Variants in GRIN2D observed in about 807,000 individuals in gnomAD.
GRIN2D encodes the protein glutamate ionotropic receptor NMDA type subunit 2D, also known as glutamate receptor ionotropic, NMDA 2D.
Under a neutral mutation model 103.2 loss-of-function variants are expected in GRIN2D, and 37 were observed. The observed-to-expected ratio is 0.36, with a 90% CI of 0.28 to 0.47. GRIN2D has a LOEUF of 0.47. Ranked by LOEUF, GRIN2D falls within the 20% of genes least tolerant of loss-of-function variation. The pLI is 1.00. For missense variants in GRIN2D, 1,557 were observed against 1,910.6 expected, an observed-to-expected ratio of 0.81 and a Z score of 3.45; for synonymous variants, 845 against 885.6, an observed-to-expected ratio of 0.95 and a Z score of 0.81.
chr19:48,424,717 A>C (rs1240486630), intron 11 of GRIN2D, among the ~76,000 whole-genome samples: 1 of 152,178 alleles, frequency 6.6e-6, no homozygotes, highest in Admixed American at 6.6e-5. Context: ...CACTCACAGC[A>C]CATCTAGGTT....
At position 48,419,754 on chromosome 19, in the gene GRIN2D, G is replaced by C; in HGVS notation, c.2031G>C (p.Leu677=). The change falls in exon 10 of 14, where the codon CTG becomes CTC. Residue 677 remains leucine (L), a synonymous_variant. Transcript: ENST00000263269. ...VIFLASYTAN[L]AAFMIQEEYV... is the part of the protein sequence containing the mutation. Reference sequence around the variant, plus strand: ...TCCTCGCCAGCTACACAGCCAACCTGGCCGCCTTCATGATCCAGGAGGAGT... The same window carrying C: ...TCCTCGCCAGCTACACAGCCAACCTCGCCGCCTTCATGATCCAGGAGGAGT... 1.2e-6 allele frequency: 2 copies of C among 1,613,778 alleles called. No homozygotes were observed. The highest frequency in any genetic ancestry group is 1.7e-6 in the Non-Finnish European group (2 of 1,179,952).
At chr19:48,411,888 C>A (rs1022237580) in intron 4 of GRIN2D, among the ~76,000 whole-genome samples, 9 of 151,618 alleles carry the variant, frequency 5.9e-5, no homozygotes, top group Non-Finnish European at 1.2e-4. Context: ...GAAGGCAAAG[C>A]CAGAACAAAA....
chr19:48,416,219 G>A (rs1600979932), intron 8 of GRIN2D, 64 bp downstream of exon 8: 1 of 1,470,492 alleles, frequency 6.8e-7, no homozygotes. Flanking sequence ...AACCGTGTGG[G>A]CCCTGGGATC....
Position 48,414,389 on chromosome 19 carries a change from A to G in GRIN2D, c.1217A>G (p.Gln406Arg). ...TTGGCCAAGGTGGGCAGCTGGGAGCAGCAGACGCTCCGCCTCAAGTACCCG... is the reference window on the plus strand; with the variant it reads ...TTGGCCAAGGTGGGCAGCTGGGAGCGGCAGACGCTCCGCCTCAAGTACCCG... ...RTWEVVGSWE[Q>R]QTLRLKYPLW... Residue 406 changes from glutamine (Q) to arginine (R), a missense_variant, in exon 6 of 14, where the codon CAG becomes CGG. Gln to Arg is a conservative substitution (Grantham distance 43). Around this residue, in one of 7 missense-constraint regions of GRIN2D, gnomAD observed 490 missense variants for 601.1 expected, o/e 0.82. Coordinates refer to ENST00000263269, the MANE Select transcript of GRIN2D (RefSeq NM_000836.4). This position sits in a 1 kb window ranked among gnomAD's most constrained non-coding sequence, Gnocchi z 4.6. 6.2e-7 allele frequency: 1 copy of G among 1,607,224 alleles called. No individual in the cohort carries two copies. The highest frequency in any genetic ancestry group is 8.5e-7 in the Non-Finnish European group (1 of 1,177,760).
In GRIN2D at chr19:48,444,144, A is replaced by C; in HGVS notation, c.*207A>C. 2 of 399,134 alleles carry C rather than the reference A, an allele frequency of 5.0e-6. No individual in the cohort carries two copies. The highest frequency in any genetic ancestry group is 8.9e-6 in the Non-Finnish European group (2 of 225,738). The allele number at this position is 399,134 out of a possible 1,614,324, so 24.7% of individuals were successfully genotyped here. A position where few individuals can be genotyped will look rare whatever the true frequency, so the allele number is the denominator to read the frequency against. ...CCCTCAACTATCACCCAGCCTGAGA[A>C]CGAGGGGGCGGGGGCCTTGGAGCCC... On this transcript the variant is annotated 3_prime_UTR_variant, in exon 14 of 14. Coordinates refer to ENST00000263269, the MANE Select transcript of GRIN2D (RefSeq NM_000836.4). The surrounding 1 kb of genome is among the most constrained non-coding windows in gnomAD (Gnocchi z 5.5).
At chr19:48,415,973 C>T in intron 7 of GRIN2D, 29 bp from the exon 8 acceptor site, 1 of 1,601,544 alleles carries the variant, frequency 6.2e-7, no homozygotes, top group Non-Finnish European at 8.5e-7. Flanking sequence ...CCGGGTTCCC[C>T]CGCCCACTCC....
Position 48,398,749 on chromosome 19 carries a change from C to T in GRIN2D, c.357C>T (p.Asp119=). ...GLRVHGVVFE[D]DSRAPAVAPI... ...GCGTGCACGGCGTGGTCTTCGAAGA[C>T]GACTCGCGCGCGCCCGCCGTCGCGC... is the stretch of plus-strand genomic sequence containing the variant. The change falls in exon 3 of 14, where the codon GAC becomes GAT. Residue 119 remains aspartate, a synonymous_variant. Coordinates refer to ENST00000263269, the MANE Select transcript of GRIN2D (RefSeq NM_000836.4). 6.8e-7 allele frequency: 1 copy of T among 1,465,268 alleles called. No individual in the cohort carries two copies. Among genetic ancestry groups the T allele is most frequent in the East Asian group, 3.0e-5 (1 of 33,412 alleles). 90.8% of individuals were successfully genotyped at this position (1,465,268 alleles called of 1,614,324 possible).
intron 4 of GRIN2D, among the ~76,000 whole-genome samples, chr19:48,410,755 C>T (rs953232318): frequency 2.0e-5 from 3 of 151,814 alleles, no homozygotes; most frequent in Non-Finnish European, 4.4e-5. Flanking sequence ...AGGCAGGAGG[C>T]TGGGATGAGG....
intron 11 of GRIN2D, among the ~76,000 whole-genome samples, chr19:48,425,529 A>G (rs1349326995): frequency 6.6e-6 from 1 of 152,188 alleles, no homozygotes; most frequent in African/African-American, 2.4e-5. Flanking sequence ...GGCGTGAGCC[A>G]CCGTATCCAG....
At chr19:48,411,406 C>T (rs981615435) in intron 4 of GRIN2D, among the ~76,000 whole-genome samples, 3 of 151,586 alleles carry the variant, frequency 2.0e-5, no homozygotes, top group Non-Finnish European at 4.4e-5. Flanking sequence ...AATCCCAGAA[C>T]TTTGGGAGGC....
At position 48,419,778 on chromosome 19, in the gene GRIN2D, G is replaced by A. The variant is rs1246867638; in HGVS notation, c.2055G>A (p.Glu685=). The part of the protein sequence containing the change: ...ANLAAFMIQE[E]YVDTVSGLSD... ...TGGCCGCCTTCATGATCCAGGAGGA[G>A]TACGTGGATACTGTGTCTGGGCTCA... Residue 685 remains glutamate (E), a synonymous_variant, in exon 10 of 14, where the codon GAG becomes GAA. Coordinates refer to ENST00000263269, the MANE Select transcript of GRIN2D (RefSeq NM_000836.4). 6.2e-7 allele frequency: 1 copy of A among 1,613,700 alleles called. No homozygotes were observed. Among genetic ancestry groups the A allele is most frequent in the Admixed American group, 1.7e-5 (1 of 59,946 alleles).
intron 11 of GRIN2D, among the ~76,000 whole-genome samples, chr19:48,437,038 G>C (rs911152925): frequency 6.6e-6 from 1 of 152,194 alleles, no homozygotes; most frequent in Non-Finnish European, 1.5e-5. Context: ...AAACAAGAAA[G>C]AAAGGACGGA....
chr19:48,412,527 C>T (rs1569063333), intron 4 of GRIN2D, among the ~76,000 whole-genome samples: 1 of 152,004 alleles, frequency 6.6e-6, no homozygotes, highest in Admixed American at 6.5e-5. Flanking sequence ...GTGGCTCACG[C>T]TTGTAATCCC....
Position 48,443,601 on chromosome 19 carries a change from C to T in GRIN2D, c.3675C>T (p.Arg1225=). The change falls in exon 14 of 14, where the codon CGC becomes CGT. Residue 1225 remains arginine, a synonymous_variant. Transcript: ENST00000263269. This position sits in a 1 kb window ranked among gnomAD's most constrained non-coding sequence, Gnocchi z 8.9. ...GGCCCCTGCCCCGACGCCGGGCCCGCTGCGGGTGCCCGCGGTCGCACCCGC... is the reference window on the plus strand; with the variant it reads ...GGCCCCTGCCCCGACGCCGGGCCCGTTGCGGGTGCCCGCGGTCGCACCCGC... The part of the protein sequence containing the change: ...AAGPLPRRRA[R]CGCPRSHPHR... 1 of 1,142,558 alleles carries T rather than the reference C, an allele frequency of 8.8e-7. No homozygotes were observed. 70.8% of individuals were successfully genotyped at this position (1,142,558 alleles called of 1,614,324 possible).
intron 11 of GRIN2D, among the ~76,000 whole-genome samples, chr19:48,428,508 G>A (rs542442829): frequency 2.6e-5 from 4 of 151,916 alleles, no homozygotes; most frequent in South Asian, 4.2e-4. Context: ...GATTACAGGC[G>A]TGTGCCACCA....
intron 4 of GRIN2D, among the ~76,000 whole-genome samples, chr19:48,413,159 C>CA (rs1235707966): frequency 4.9e-5 from 6 of 122,996 alleles, no homozygotes; most frequent in Non-Finnish European, 1.0e-4. Flanking sequence ...CAAAAACAAA[C>CA]AAAAAAACCA....
intron 4 of GRIN2D, among the ~76,000 whole-genome samples, chr19:48,406,618 A>G (rs937894778): frequency 6.6e-6 from 1 of 152,232 alleles, no homozygotes; most frequent in Admixed American, 6.5e-5. Flanking sequence ...GCTAGGAACT[A>G]GGGCTCATGC....
chr19:48,406,556 A>C (rs1044219607), intron 4 of GRIN2D, among the ~76,000 whole-genome samples: 1 of 152,202 alleles, frequency 6.6e-6, no homozygotes, highest in Non-Finnish European at 1.5e-5. Flanking sequence ...AGGATCCCCG[A>C]AAAAGAGGAT....
At chr19:48,408,991 A>T (rs1970823358) in intron 4 of GRIN2D, among the ~76,000 whole-genome samples, 1 of 152,118 alleles carries the variant, frequency 6.6e-6, no homozygotes, top group Admixed American at 6.6e-5. Flanking sequence ...CTGGGTAATT[A>T]TAATGAATGG....
Sources: gnomAD v4.1 joint callset for allele counts (sites outside exome capture counted in the v4.1 genomes callset) on GRCh38, gnomAD v4.1.1 for gene constraint, gnomAD v4.1.1 regional missense constraint, Gnocchi (gnomAD v3.1) non-coding constraint, MANE v1.5 for transcripts, NCBI Gene and HGNC (gene_info 2026-07-23, HGNC 2026-07-21) for gene names.